The following CSMD3 variants were observed in gnomAD, a reference collection of about 807,000 sequenced individuals.
The protein encoded by CSMD3 is CUB and sushi domain-containing protein 3.
In CSMD3, 177 loss-of-function variants were observed where a neutral mutation model predicts 435.2. The observed-to-expected ratio is 0.41, with a 90% confidence interval of 0.36 to 0.46. CSMD3 has a LOEUF of 0.46. CSMD3 is among the 20% of genes least tolerant of loss of function. The pLI, the probability that CSMD3 is intolerant of heterozygous loss-of-function variation, is 0.34. For synonymous variants in CSMD3, 1,656 were observed against 1,520.5 expected (o/e 1.09, Z -2.07); for missense variants, 4,265 against 4,504.6 (o/e 0.95, Z 1.52).
Position 112,739,489 on chromosome 8 carries a change from A to T in CSMD3, c.1973-49439T>A, listed in dbSNP as rs2077257086. Among the ~76,000 whole-genome samples the T allele has an allele frequency of 2.0e-5, 3 of 151,792 alleles. No individual in the cohort carries two copies. In the South Asian group the frequency reaches 6.2e-4, roughly 31 times the overall value. On this transcript the variant is annotated intron_variant, in intron 13 of 70. Coordinates refer to ENST00000297405, the MANE Select transcript of CSMD3 (RefSeq NM_198123.2). ...TTCTTTAATTCATGCATCCTGTAAA[A>T]TTCGTTGTTTGTGCAGGAAGAAACA...
intron 4 of CSMD3, among the ~76,000 whole-genome samples, chr8:113,160,813 A>C (rs1213730960): frequency 6.6e-6 from 1 of 152,076 alleles, no homozygotes; most frequent in Non-Finnish European, 1.5e-5. Flanking sequence ...CAACATGCCT[A>C]ATAACATTCT....
intron 1 of CSMD3, among the ~76,000 whole-genome samples, chr8:113,328,095 A>G (rs1185932046): frequency 6.6e-6 from 1 of 151,616 alleles, no homozygotes; most frequent in East Asian, 1.9e-4. Flanking sequence ...ACAGACACAC[A>G]CAGACACACA....
intron 13 of CSMD3, among the ~76,000 whole-genome samples, chr8:112,709,415 G>A (rs2076564621): frequency 6.6e-6 from 1 of 151,998 alleles, no homozygotes; most frequent in Non-Finnish European, 1.5e-5. Flanking sequence ...CTTGGGGAAG[G>A]TTAACTACAT....
chr8:112,778,274 T>C (rs2078294907), intron 13 of CSMD3, among the ~76,000 whole-genome samples: 1 of 151,892 alleles, frequency 6.6e-6, no homozygotes, highest in African/African-American at 2.4e-5. Context: ...TTGTATATTC[T>C]GTGGGTTTTG....
intron 4 of CSMD3, among the ~76,000 whole-genome samples, chr8:113,157,822 C>T (rs931125081): frequency 8.5e-5 from 13 of 152,160 alleles, no homozygotes; most frequent in Non-Finnish European, 7.4e-5. Context: ...GTAAAAATGG[C>T]TACCTCGTCA....
chr8:112,667,009 TA>T (rs1260455817), intron 16 of CSMD3, among the ~76,000 whole-genome samples: 1 of 152,196 alleles, frequency 6.6e-6, no homozygotes, highest in African/African-American at 2.4e-5. Flanking sequence ...CTTTTCTTTT[TA>T]ATATCAAATT....
At chr8:112,969,166 T>G (rs1212937851) in intron 7 of CSMD3, among the ~76,000 whole-genome samples, 1 of 151,990 alleles carries the variant, frequency 6.6e-6, no homozygotes, top group Non-Finnish European at 1.5e-5. Context: ...AACTGGCAAT[T>G]TAATGTGAAT....
chr8:112,314,019 A>G lies in CSMD3; in HGVS notation c.7583T>C (p.Leu2528Pro), dbSNP rs775333439. Residue 2528 changes from leucine (L) to proline (P), a missense_variant, in exon 49 of 71, where the codon CTC becomes CCC. Physicochemically the swap from Leu to Pro is moderately conservative, Grantham distance 98. This residue lies in a region of CSMD3 where 3,255 missense variants were observed against 3,380.2 expected (regional missense o/e 0.96). Transcript: ENST00000297405. ...PNIQSPVLISLSGDYSSAFNI... is the reference protein window; with the variant it reads ...PNIQSPVLISPSGDYSSAFNI... ...AAAAGCAGATGAATAATCCCCACTGAGGGAAATAAGCACTGGACTTTGAAT... is the reference window on the plus strand; with the variant it reads ...AAAAGCAGATGAATAATCCCCACTGGGGGAAATAAGCACTGGACTTTGAAT... 6 of 1,610,630 alleles carry G rather than the reference A, an allele frequency of 3.7e-6. No homozygotes were observed. Among genetic ancestry groups the G allele is most frequent in the Non-Finnish European group, 5.1e-6 (6 of 1,177,268 alleles).
intron 13 of CSMD3, among the ~76,000 whole-genome samples, chr8:112,717,129 G>A (rs1587062061): frequency 6.6e-6 from 1 of 151,930 alleles, no homozygotes; most frequent in African/African-American, 2.4e-5. Flanking sequence ...AGAGTGAACA[G>A]GCAACCTAAA....
chr8:113,041,226 T>TG (rs371130335), intron 5 of CSMD3, among the ~76,000 whole-genome samples: 2 of 39,920 alleles, frequency 5.0e-5, no homozygotes, highest in Non-Finnish European at 9.6e-5. Flanking sequence ...AAGGGGGGGG[T>TG]GGGGGGGAAG....
chr8:113,054,302 C>T (rs1055070061), intron 5 of CSMD3, among the ~76,000 whole-genome samples: 1 of 152,214 alleles, frequency 6.6e-6, no homozygotes, highest in African/African-American at 2.4e-5. Context: ...GAGAAAATAA[C>T]ATTATTGCTT....
At chr8:113,316,067 A>T (rs1457820800) in intron 1 of CSMD3, among the ~76,000 whole-genome samples, 1 of 152,158 alleles carries the variant, frequency 6.6e-6, no homozygotes, top group Non-Finnish European at 1.5e-5. Flanking sequence ...GTAAAAACCT[A>T]AGATTAATAC....
intron 10 of CSMD3, among the ~76,000 whole-genome samples, chr8:112,862,682 A>T (rs1221338078): frequency 6.6e-6 from 1 of 152,120 alleles, no homozygotes; most frequent in African/African-American, 2.4e-5. Flanking sequence ...TCAGTGGCTT[A>T]CAACAATGAG....
chr8:113,338,877 G>A (rs1389817321), intron 1 of CSMD3, among the ~76,000 whole-genome samples: 1 of 151,854 alleles, frequency 6.6e-6, no homozygotes, highest in Non-Finnish European at 1.5e-5. Context: ...ATAAATCACT[G>A]TATTTTATTT....
intron 11 of CSMD3, among the ~76,000 whole-genome samples, chr8:112,839,992 G>T (rs1211236353): frequency 6.6e-6 from 1 of 151,626 alleles, no homozygotes; most frequent in Non-Finnish European, 1.5e-5. Context: ...TTTTGTTTAT[G>T]TAATTTATTT....
At chr8:112,380,275 A>G (rs2131233213) in intron 38 of CSMD3, 77 bp downstream of exon 38, 1 of 796,822 alleles carries the variant, frequency 1.3e-6, no homozygotes, top group East Asian at 2.6e-5. Flanking sequence ...TATAATATGT[A>G]CATATCAACA....
rs1198811672 is a variant in CSMD3 at position 113,103,085 on chromosome 8, G to C, written c.710-4122C>G. On this transcript the variant is annotated intron_variant, in intron 4 of 70. Coordinates refer to ENST00000297405, the MANE Select transcript of CSMD3 (RefSeq NM_198123.2). ...TTATCTCATTATCTTCAAAAGATTA[G>C]TTTGGTCTTTCTAGATATGTCAGAA... Among the ~76,000 whole-genome samples the C allele has an allele frequency of 2.0e-5, 3 of 152,088 alleles. No individual in the cohort carries two copies. The East Asian group carries it at 5.8e-4, about 29-fold the overall frequency.
intron 32 of CSMD3, among the ~76,000 whole-genome samples, chr8:112,424,893 T>G (rs919002936): frequency 6.6e-6 from 1 of 152,192 alleles, no homozygotes; most frequent in East Asian, 1.9e-4. Context: ...GGTTTCACCA[T>G]GTTGGCCAGG....
intron 13 of CSMD3, among the ~76,000 whole-genome samples, chr8:112,791,104 C>G (rs1244399773): frequency 2.0e-5 from 3 of 152,012 alleles, no homozygotes; most frequent in Non-Finnish European, 4.4e-5. Context: ...TGGAGGATCA[C>G]TTGAGCCCAA....
Sources: allele counts gnomAD v4.1 joint callset (sites outside exome capture counted in the v4.1 genomes callset), GRCh38; gene constraint gnomAD v4.1.1; regional missense constraint gnomAD v4.1.1; transcripts MANE v1.5; gene names NCBI Gene and HGNC (gene_info 2026-07-23, HGNC 2026-07-21).